Variants in PTPRN2 observed in about 807,000 individuals in gnomAD.
The protein encoded by PTPRN2 is receptor-type tyrosine-protein phosphatase N2.
In PTPRN2, 74 loss-of-function variants were observed where a neutral mutation model predicts 118.8. The observed-to-expected ratio is 0.62, with a 90% CI of 0.52 to 0.76. The LOEUF (loss-of-function observed/expected upper bound fraction) is 0.76, where lower values mean the gene tolerates loss of function less well. Among genes scored for constraint, PTPRN2 ranks in the 30% least tolerant of loss-of-function variants. PTPRN2 has a pLI of 0.00. For missense variants in PTPRN2, 1,481 were observed against 1,394.4 expected, an observed-to-expected ratio of 1.06 and a Z score of -0.99; for synonymous variants, 641 against 608.0, an observed-to-expected ratio of 1.05 and a Z score of -0.80.
At chr7:157,939,837 C>T (rs550406810) in intron 11 of PTPRN2, among the ~76,000 whole-genome samples, 60 of 152,288 alleles carry the variant, frequency 3.9e-4, no homozygotes, top group African/African-American at 1.4e-3. Context: ...AAGGTTGCTA[C>T]GTATGTGTCT....
At chr7:157,543,534 T>C (rs555374645) in intron 22 of PTPRN2, among the ~76,000 whole-genome samples, 336 of 152,358 alleles carry the variant, frequency 2.2e-3, no homozygotes, top group Non-Finnish European at 3.6e-3. Flanking sequence ...GGAGCTGCCA[T>C]GGCTCTCGGA....
At chr7:158,387,027 G>A (rs1159752674) in intron 2 of PTPRN2, among the ~76,000 whole-genome samples, 12 of 152,224 alleles carry the variant, frequency 7.9e-5, no homozygotes, top group South Asian at 4.2e-4. Context: ...CTGGGATCGC[G>A]TCTGCCCAGG....
chr7:158,467,793 A>G (rs1276199409), intron 2 of PTPRN2, among the ~76,000 whole-genome samples: 1 of 152,174 alleles, frequency 6.6e-6, no homozygotes, highest in Admixed American at 6.5e-5. Context: ...ATCCTTTTAC[A>G]TGGCGTGTGT....
At chr7:158,031,946 TG>T (rs1807722602) in intron 11 of PTPRN2, among the ~76,000 whole-genome samples, 1 of 152,232 alleles carries the variant, frequency 6.6e-6, no homozygotes, top group African/African-American at 2.4e-5. Flanking sequence ...CTGAAGTCTC[TG>T]GGTCTCCTTT....
At chr7:157,879,337 C>G (rs1795983154) in intron 12 of PTPRN2, among the ~76,000 whole-genome samples, 1 of 152,170 alleles carries the variant, frequency 6.6e-6, no homozygotes, top group Non-Finnish European at 1.5e-5. Context: ...AGGAACACAC[C>G]CCCCAACACG....
In PTPRN2 at chr7:157,674,339, A is replaced by G. The variant is rs1455942395; in HGVS notation, c.2001+8386T>C. ...GACTCCTGCTGGAGGCGGCCGGCAG[A>G]TCAGCCTTCCTTATCCACGTCCTCG... On this transcript the variant is annotated intron_variant, in intron 13 of 22. Transcript: ENST00000389418. This position sits in a 1 kb window ranked among gnomAD's most constrained non-coding sequence, Gnocchi z 4.5. Among the ~76,000 whole-genome samples, 1 of 152,132 alleles carries G rather than the reference A, an allele frequency of 6.6e-6. No homozygotes were observed. The highest frequency in any genetic ancestry group is 2.4e-5 in the African/African-American group (1 of 41,442).
intron 11 of PTPRN2, among the ~76,000 whole-genome samples, chr7:158,049,730 G>C (rs925028287): frequency 6.6e-6 from 1 of 152,120 alleles, no homozygotes; most frequent in African/African-American, 2.4e-5. Context: ...GTGAAATCCT[G>C]TCTCTACTAA....
At chr7:157,920,009 C>T (rs553143462) in intron 11 of PTPRN2, among the ~76,000 whole-genome samples, 2 of 152,288 alleles carry the variant, frequency 1.3e-5, no homozygotes, top group African/African-American at 2.4e-5. Context: ...TGTAGCCTAG[C>T]AGCGCTGTCC....
Position 157,806,047 on chromosome 7 carries a change from A to G in PTPRN2, c.1788+92626T>C, listed in dbSNP as rs1194730282. Among the ~76,000 whole-genome samples the G allele has an allele frequency of 3.9e-5, 6 of 152,326 alleles. No homozygotes were observed. In the East Asian group the frequency reaches 7.7e-4, roughly 20 times the overall value. ...CCTCTTTGTGAAGAGGTGTGGGAAGATGTGCACACAGTAGAGAGCAGACTA... is the reference window on the plus strand; with the variant it reads ...CCTCTTTGTGAAGAGGTGTGGGAAGGTGTGCACACAGTAGAGAGCAGACTA... On this transcript the variant is annotated intron_variant, in intron 12 of 22. Coordinates refer to ENST00000389418, the MANE Select transcript of PTPRN2 (RefSeq NM_002847.5).
chr7:157,853,706 C>T (rs1224976630), intron 12 of PTPRN2, among the ~76,000 whole-genome samples: 5 of 152,190 alleles, frequency 3.3e-5, no homozygotes, highest in African/African-American at 1.2e-4. Flanking sequence ...AGATGCTCCA[C>T]GCCCCACTGC....
chr7:158,561,977 T>C (rs1028796856), intron 1 of PTPRN2, among the ~76,000 whole-genome samples: 2 of 152,200 alleles, frequency 1.3e-5, no homozygotes, highest in African/African-American at 2.4e-5. Flanking sequence ...GACACTGAGC[T>C]GCAGACCTGC....
In PTPRN2 at chr7:158,114,507, C is replaced by T. The variant is rs77305703; in HGVS notation, c.1557-3592G>A. Among the ~76,000 whole-genome samples, 783 of 152,286 alleles carry T rather than the reference C, an allele frequency of 5.1e-3. 24 individuals carry two copies. The East Asian group carries it at 0.098, about 19-fold the overall frequency. On this transcript the variant is annotated intron_variant, in intron 9 of 22. Transcript: ENST00000389418. ...TGGGAGGGATGTGGAAGACGTGCCG[C>T]GGGAATGCTCTACTCTTCATCTAAG... is the stretch of plus-strand genomic sequence containing the variant.
At chr7:157,584,230 T>C (rs954192609) in intron 17 of PTPRN2, among the ~76,000 whole-genome samples, 1 of 152,216 alleles carries the variant, frequency 6.6e-6, no homozygotes, top group African/African-American at 2.4e-5. Context: ...TTCTCCTCCT[T>C]CTACTTAGAT....
intron 2 of PTPRN2, among the ~76,000 whole-genome samples, chr7:158,468,446 G>C (rs1819541599): frequency 6.6e-6 from 1 of 152,222 alleles, no homozygotes; most frequent in African/African-American, 2.4e-5. Flanking sequence ...CAGAGAAAAA[G>C]AAAGGACGGC....
chr7:157,967,433 A>G (rs1438983198), intron 11 of PTPRN2, among the ~76,000 whole-genome samples: 1 of 152,130 alleles, frequency 6.6e-6, no homozygotes, highest in African/African-American at 2.4e-5. Flanking sequence ...GGTAAATGGG[A>G]TGGAAGGTGC....
intron 10 of PTPRN2, among the ~76,000 whole-genome samples, chr7:158,085,349 G>A (rs1431760320): frequency 4.9e-5 from 4 of 80,816 alleles, no homozygotes; most frequent in Non-Finnish European, 4.5e-5. Flanking sequence ...CACCCATGAC[G>A]CCCATCCACA....
intron 11 of PTPRN2, among the ~76,000 whole-genome samples, chr7:158,071,272 AGGTGCCCGTGGTGG>A (rs1811480097): frequency 1.2e-5 from 1 of 85,862 alleles, no homozygotes; most frequent in South Asian, 4.8e-4. Flanking sequence ...GTGGTGGTGG[AGGTGCCCGTGGTGG>A]TGGAGGTGCT....
At chr7:158,342,090 T>A (rs59086913) in intron 2 of PTPRN2, among the ~76,000 whole-genome samples, 28,848 of 79,356 alleles carry the variant, frequency 0.36, 4,699 homozygotes, top group Middle Eastern at 0.45. Flanking sequence ...AGAAGGGGTG[T>A]CACCTGCAGA....
chr7:158,170,587 A>G (rs1283553711), intron 5 of PTPRN2, among the ~76,000 whole-genome samples: 2 of 152,268 alleles, frequency 1.3e-5, no homozygotes, highest in Non-Finnish European at 2.9e-5. Flanking sequence ...CAGAGCCTGT[A>G]GAAATAATAG....
Sources: allele counts gnomAD v4.1 joint callset (sites outside exome capture counted in the v4.1 genomes callset), GRCh38; gene constraint gnomAD v4.1.1; non-coding constraint Gnocchi (gnomAD v3.1); transcripts MANE v1.5; gene names NCBI Gene and HGNC (gene_info 2026-07-23, HGNC 2026-07-21).